STRBP: variants seen among roughly 807,000 people sequenced by gnomAD.
STRBP encodes spermatid perinuclear RNA binding protein, also known as spermatid perinuclear RNA-binding protein.
Under a neutral mutation model 80.1 loss-of-function variants are expected in STRBP, and 13 were observed. The observed-to-expected ratio is 0.16, with a 90% confidence interval of 0.11 to 0.26. STRBP has a LOEUF of 0.26. Among genes scored for constraint, STRBP ranks in the 10% least tolerant of loss-of-function variants. The pLI is 1.00. For missense variants in STRBP, 485 were observed against 815.2 expected, an observed-to-expected ratio of 0.59 and a Z score of 4.93; for synonymous variants, 284 against 291.2, an observed-to-expected ratio of 0.98 and a Z score of 0.25.
intron 2 of STRBP, among the ~76,000 whole-genome samples, chr9:123,210,086 T>C (rs1167390666): frequency 6.6e-6 from 1 of 152,214 alleles, no homozygotes; most frequent in Non-Finnish European, 1.5e-5. Flanking sequence ...TATATATTGG[T>C]ATATTCGAAA....
intron 16 of STRBP, 83 bp from the exon 17 acceptor site, chr9:123,133,051 A>T: frequency 6.5e-7 from 1 of 1,535,736 alleles, no homozygotes; most frequent in South Asian, 1.2e-5. Flanking sequence ...CACAACAACT[A>T]TGAGAAACTG....
intron 11 of STRBP, among the ~76,000 whole-genome samples, chr9:123,157,270 C>T (rs2037328920): frequency 1.3e-5 from 2 of 152,166 alleles, no homozygotes; most frequent in African/African-American, 2.4e-5. Flanking sequence ...GATAACATTT[C>T]CAAGCTTGAG....
In STRBP at chr9:123,210,530, A is replaced by G. The variant is rs535254252; in HGVS notation, c.-164-26232T>C. On this transcript the variant is annotated intron_variant, in intron 2 of 18. Coordinates refer to ENST00000348403, the MANE Select transcript of STRBP (RefSeq NM_018387.5). ...AACCAATAAAAATAGAAGAAACATT[A>G]TTATAAAAAATGATCAAGCAGGCCG... Among the ~76,000 whole-genome samples, 3 of 152,270 alleles carry G rather than the reference A, an allele frequency of 2.0e-5. No homozygotes were observed. In the East Asian group the frequency reaches 5.8e-4, roughly 29 times the overall value.
intron 2 of STRBP, among the ~76,000 whole-genome samples, chr9:123,227,035 C>T (rs533627286): frequency 6.6e-6 from 1 of 152,208 alleles, no homozygotes; most frequent in African/African-American, 2.4e-5. Context: ...TTAATCCATT[C>T]GTGAGAGTAA....
In STRBP at chr9:123,169,905, C is replaced by G; in HGVS notation, c.532G>C (p.Gly178Arg). ...ATATATATATATACATGTGTACCTC[C>G]ATCCTTCTTCTCCAATTCGTCCCTA... The part of the protein sequence containing the change: ...LIRDELEKKD[G>R]ENVSMKDPPD... Residue 178 changes from glycine to arginine, a missense_variant, in exon 6 of 19, where the codon GGA (glycine) becomes CGA (arginine). Coordinates refer to ENST00000348403, the MANE Select transcript of STRBP (RefSeq NM_018387.5). 1 of 1,527,886 alleles carries G rather than the reference C, an allele frequency of 6.5e-7. No homozygotes were observed. The highest frequency in any genetic ancestry group is 8.8e-7 in the Non-Finnish European group (1 of 1,137,106). 94.6% of individuals were successfully genotyped at this position (1,527,886 alleles called of 1,614,324 possible).
intron 16 of STRBP, among the ~76,000 whole-genome samples, chr9:123,134,932 A>C (rs975267736): frequency 2.6e-5 from 4 of 152,216 alleles, no homozygotes; most frequent in Non-Finnish European, 5.9e-5. Context: ...AGGCTTTAAA[A>C]ATTTTTTCAT....
chr9:123,120,858 C>T (rs543773260), downstream of STRBP, among the ~76,000 whole-genome samples: 25 of 152,234 alleles, frequency 1.6e-4, no homozygotes, highest in South Asian at 1.7e-3. Flanking sequence ...TTCCAAGTGA[C>T]GCCTATTTTG....
At chr9:123,178,082 A>G (rs973813520) in intron 4 of STRBP, among the ~76,000 whole-genome samples, 5 of 152,230 alleles carry the variant, frequency 3.3e-5, no homozygotes, top group African/African-American at 1.2e-4. Flanking sequence ...TGTGCTCTTC[A>G]GCAATAAAAC....
chr9:123,196,848 A>G (rs2039109489), intron 2 of STRBP, among the ~76,000 whole-genome samples: 1 of 152,214 alleles, frequency 6.6e-6, no homozygotes, highest in African/African-American at 2.4e-5. Context: ...AAAACTAAAC[A>G]TGGAACTACT....
At chr9:123,264,661 C>T (rs1335332062) in intron 1 of STRBP, among the ~76,000 whole-genome samples, 1 of 152,180 alleles carries the variant, frequency 6.6e-6, no homozygotes, top group African/African-American at 2.4e-5. Context: ...AATATCTTGT[C>T]CAGCAAGTCA....
At chr9:123,161,507 G>A (rs1055089306) in intron 6 of STRBP, among the ~76,000 whole-genome samples, 1 of 151,988 alleles carries the variant, frequency 6.6e-6, no homozygotes, top group Non-Finnish European at 1.5e-5. Flanking sequence ...AAGGAAAACT[G>A]GAAATCAATT....
intron 2 of STRBP, among the ~76,000 whole-genome samples, chr9:123,217,022 G>A (rs2039921308): frequency 6.6e-6 from 1 of 152,216 alleles, no homozygotes; most frequent in Non-Finnish European, 1.5e-5. Flanking sequence ...TGCCTTATCT[G>A]CTTCTCAAGG....
intron 2 of STRBP, among the ~76,000 whole-genome samples, chr9:123,201,234 C>T (rs982533658): frequency 2.6e-5 from 4 of 152,010 alleles, no homozygotes; most frequent in African/African-American, 7.3e-5. Context: ...TTTAGTTCTG[C>T]TCTGATCTTT....
chr9:123,155,564 G>C (rs1174251381), intron 11 of STRBP, among the ~76,000 whole-genome samples: 1 of 152,076 alleles, frequency 6.6e-6, no homozygotes, highest in Middle Eastern at 3.2e-3. Context: ...AACACGAGGA[G>C]GATGAAGGAC....
At chr9:123,176,479 A>T (rs1564267692) in intron 4 of STRBP, among the ~76,000 whole-genome samples, 1 of 152,246 alleles carries the variant, frequency 6.6e-6, no homozygotes, top group Non-Finnish European at 1.5e-5. Context: ...TTTGTTAATG[A>T]TTCTGAGTCA....
intron 2 of STRBP, among the ~76,000 whole-genome samples, chr9:123,189,890 T>G (rs1340622330): frequency 6.6e-6 from 1 of 152,042 alleles, no homozygotes; most frequent in Non-Finnish European, 1.5e-5. Flanking sequence ...AGATAAATTA[T>G]GTGAGATTTA....
intron 2 of STRBP, among the ~76,000 whole-genome samples, chr9:123,199,678 G>C (rs2039238969): frequency 1.3e-5 from 2 of 152,118 alleles, no homozygotes; most frequent in African/African-American, 2.4e-5. Flanking sequence ...TTGATTCTAA[G>C]CTTGATCATT....
At chr9:123,182,969 C>A (rs2038543659) in intron 3 of STRBP, among the ~76,000 whole-genome samples, 1 of 144,586 alleles carries the variant, frequency 6.9e-6, no homozygotes, top group South Asian at 2.1e-4. Flanking sequence ...GAGCTATGAT[C>A]ATGTCACTGC....
chr9:123,132,728 A>C, intron 17 of STRBP, 117 bp downstream of exon 17: 1 of 1,390,598 alleles, frequency 7.2e-7, no homozygotes, highest in Admixed American at 2.2e-5. Context: ...TTCTGTGTAC[A>C]TTCATGCCTG....
Sources: gnomAD v4.1 joint callset for allele counts (sites outside exome capture counted in the v4.1 genomes callset) on GRCh38, gnomAD v4.1.1 for gene constraint, MANE v1.5 for transcripts, NCBI Gene and HGNC (gene_info 2026-07-23, HGNC 2026-07-21) for gene names.